EBF1: variants seen among roughly 807,000 people sequenced by gnomAD.
EBF1 encodes the protein EBF transcription factor 1.
A neutral mutation model predicts 68.4 loss-of-function variants in EBF1; 10 were observed. That is an observed-to-expected ratio of 0.15 (90% confidence interval 0.09 to 0.25). EBF1 has a LOEUF of 0.25. Ranked by LOEUF, EBF1 falls within the 10% of genes least tolerant of loss-of-function variation. EBF1 has a pLI of 1.00. For synonymous variants in EBF1, 298 were observed against 299.8 expected (o/e 0.99, Z 0.06); for missense variants, 509 against 794.4 (o/e 0.64, Z 4.32).
intron 6 of EBF1, among the ~76,000 whole-genome samples, chr5:158,853,603 C>A (rs1386587507): frequency 6.6e-6 from 1 of 151,954 alleles, no homozygotes; most frequent in African/African-American, 2.4e-5. Flanking sequence ...ACAATGCCCT[C>A]CAAGAAAGAT....
chr5:159,033,787 G>T (rs895348525), intron 6 of EBF1, among the ~76,000 whole-genome samples: 6 of 152,122 alleles, frequency 3.9e-5, no homozygotes, highest in Admixed American at 3.3e-4. Context: ...CTGAAAATTA[G>T]CTTTTTTTCT....
intron 6 of EBF1, among the ~76,000 whole-genome samples, chr5:158,881,677 G>A (rs969808298): frequency 6.6e-6 from 1 of 152,184 alleles, no homozygotes; most frequent in Non-Finnish European, 1.5e-5. Context: ...TCAGGGATAT[G>A]GGCTAAATAG....
At chr5:159,047,695 C>T (rs935165086) in intron 6 of EBF1, among the ~76,000 whole-genome samples, 2 of 152,168 alleles carry the variant, frequency 1.3e-5, no homozygotes, top group Non-Finnish European at 2.9e-5. Flanking sequence ...AAAACCCATA[C>T]CTCTTCTCAT....
intron 6 of EBF1, among the ~76,000 whole-genome samples, chr5:159,039,260 C>T (rs1202627062): frequency 6.6e-6 from 1 of 152,176 alleles, no homozygotes; most frequent in Non-Finnish European, 1.5e-5. Context: ...TAACTCTATG[C>T]ATTAAACCAT....
At chr5:158,699,467 C>A (rs946944894) in intron 15 of EBF1, among the ~76,000 whole-genome samples, 5 of 152,180 alleles carry the variant, frequency 3.3e-5, no homozygotes, top group African/African-American at 1.2e-4. Context: ...CAGCTTCGAA[C>A]CTTGCAAAAT....
chr5:158,996,483 T>C (rs932879973), intron 6 of EBF1, among the ~76,000 whole-genome samples: 6 of 152,354 alleles, frequency 3.9e-5, no homozygotes, highest in African/African-American at 1.2e-4. Flanking sequence ...TGTTTCACTT[T>C]CTTCAAATTT....
At chr5:158,776,327 A>T (rs1327634208) in intron 10 of EBF1, among the ~76,000 whole-genome samples, 1 of 152,118 alleles carries the variant, frequency 6.6e-6, no homozygotes, top group Non-Finnish European at 1.5e-5. Context: ...AGAGAGAGAG[A>T]GAGAAACTGG....
intron 13 of EBF1, 77 bp downstream of exon 13, chr5:158,712,892 TA>T: frequency 7.5e-7 from 1 of 1,326,408 alleles, no homozygotes; most frequent in Non-Finnish European, 9.9e-7. Flanking sequence ...TTTTTTAATG[TA>T]AAAATTGTTC....
intron 6 of EBF1, among the ~76,000 whole-genome samples, chr5:158,969,852 G>GAA (rs1245731528): frequency 9.9e-5 from 4 of 40,446 alleles, no homozygotes; most frequent in Non-Finnish European, 2.0e-4. Context: ...GAGAAAGAAA[G>GAA]AAAGAAAGAA....
chr5:158,789,152 C>A (rs1778046099), intron 9 of EBF1, among the ~76,000 whole-genome samples: 1 of 151,988 alleles, frequency 6.6e-6, no homozygotes, highest in African/African-American at 2.4e-5. Flanking sequence ...CACAAAGCAA[C>A]TTCTATATAA....
chr5:158,712,994 C>T lies in EBF1; in HGVS notation c.1345G>A (p.Glu449Lys), dbSNP rs201389602. Residue 449 changes from glutamate (E) to lysine (K), a missense_variant, in exon 13 of 16, where the codon GAG becomes AAG. By Grantham distance (56) the Glu-to-Lys change is moderately conservative. This residue lies in a region of EBF1 where 205 missense variants were observed against 247.4 expected (regional missense o/e 0.83). Transcript: ENST00000313708. The part of the protein sequence containing the change: ...FSGQLAVNVS[E>K]ASQATNQGFT... ...CCCTGATTGGTGGCTTGTGATGCCT[C>T]GGAGACATTCACGGCCAGTTGTCCA... is the stretch of plus-strand genomic sequence containing the variant. 2.8e-5 allele frequency: 43 copies of T among 1,515,130 alleles called. No homozygotes were observed. Among genetic ancestry groups the T allele is most frequent in the Non-Finnish European group, 3.6e-6 (4 of 1,122,576 alleles). The allele number at this position is 1,515,130 out of a possible 1,614,324, so 93.9% of individuals were successfully genotyped here. A position where few individuals can be genotyped will look rare whatever the true frequency, so the allele number is the denominator to read the frequency against.
intron 6 of EBF1, among the ~76,000 whole-genome samples, chr5:158,904,315 C>T (rs1022215445): frequency 6.6e-6 from 1 of 152,232 alleles, no homozygotes. Flanking sequence ...TCCCAGCAGA[C>T]AGCAAGTTCC....
Position 158,856,639 on chromosome 5 carries a change from C to T in EBF1, c.555-16529G>A, listed in dbSNP as rs530746468. Among the ~76,000 whole-genome samples, 5 of 152,220 alleles carry T rather than the reference C, an allele frequency of 3.3e-5. No homozygotes were observed. In the South Asian group the frequency reaches 8.3e-4, roughly 25 times the overall value. On this transcript the variant is annotated intron_variant, in intron 6 of 15. Transcript: ENST00000313708. ...GCTAATGTTTATACTACATTTAGTA[C>T]ATTTTTTTAGTCCTCACAGCAACCC...
At position 158,725,346 on chromosome 5, in the gene EBF1, T is replaced by C. The variant is rs985696028; in HGVS notation, c.1125+5723A>G. Among the ~76,000 whole-genome samples the C allele has an allele frequency of 2.0e-5, 3 of 152,212 alleles. No individual in the cohort carries two copies. The East Asian group carries it at 5.8e-4, about 29-fold the overall frequency. ...CACCTCCCTTATAATTCCAACCTAC[T>C]GCACAGCCAGCCACACTGGTACTTC... On this transcript the variant is annotated intron_variant, in intron 11 of 15. Transcript: ENST00000313708.
intron 6 of EBF1, among the ~76,000 whole-genome samples, chr5:159,027,728 T>C (rs1376739175): frequency 1.3e-5 from 2 of 152,172 alleles, no homozygotes; most frequent in African/African-American, 4.8e-5. Context: ...GAAAAACACT[T>C]ACTGGATTGA....
At chr5:158,869,578 A>AACACAC (rs3035120) in intron 6 of EBF1, among the ~76,000 whole-genome samples, 190 of 145,288 alleles carry the variant, frequency 1.3e-3, no homozygotes, top group African/African-American at 4.5e-3. Flanking sequence ...GATCCTAATA[A>AACACAC]ACACACACAC....
chr5:158,760,749 C>T (rs1771246653), intron 10 of EBF1, among the ~76,000 whole-genome samples: 1 of 152,046 alleles, frequency 6.6e-6, no homozygotes, highest in African/African-American at 2.4e-5. Context: ...GCTCGATACC[C>T]CCTGAATTAT....
Position 158,880,136 on chromosome 5 carries a change from G to A in EBF1, c.555-40026C>T, listed in dbSNP as rs148709081. Among the ~76,000 whole-genome samples, 311 of 152,312 alleles carry A rather than the reference G, an allele frequency of 2.0e-3. 3 individuals carry two copies. The highest frequency in any genetic ancestry group is 7.3e-3 in the African/African-American group (304 of 41,588). ...CCACGGCCTCTTTTGGGAGGCTCTT[G>A]ATAAACACTCACAAAGCGCTGTCAA... On this transcript the variant is annotated intron_variant, in intron 6 of 15. Transcript: ENST00000313708.
At chr5:158,849,376 C>G (rs1054571407) in intron 6 of EBF1, among the ~76,000 whole-genome samples, 3 of 152,176 alleles carry the variant, frequency 2.0e-5, no homozygotes, top group Non-Finnish European at 4.4e-5. Flanking sequence ...GGCTGCCTCC[C>G]TGGATCTGAA....
Sources: gnomAD v4.1 joint callset for allele counts (sites outside exome capture counted in the v4.1 genomes callset) on GRCh38, gnomAD v4.1.1 for gene constraint, gnomAD v4.1.1 regional missense constraint, MANE v1.5 for transcripts, NCBI Gene and HGNC (gene_info 2026-07-23, HGNC 2026-07-21) for gene names.